Variants in ERCC5 observed in about 807,000 individuals in gnomAD.
The protein encoded by ERCC5 is ERCC excision repair 5, endonuclease.
In ERCC5, 68 loss-of-function variants were observed where a neutral mutation model predicts 105.6. The ratio of observed to expected loss-of-function variants is 0.64; its 90% CI spans 0.53 to 0.79. The LOEUF is 0.79. Ranked by LOEUF, ERCC5 falls within the 30% of genes least tolerant of loss-of-function variation. The pLI is 0.00. For synonymous variants in ERCC5, 546 were observed against 526.2 expected, an observed-to-expected ratio of 1.04 and a Z score of -0.51; for missense variants, 1,373 against 1,426.7, an observed-to-expected ratio of 0.96 and a Z score of 0.61.
At chr13:102,863,425 A>G (rs1882721206) in intron 8 of ERCC5, among the ~76,000 whole-genome samples, 1 of 152,198 alleles carries the variant, frequency 6.6e-6, no homozygotes, top group Admixed American at 6.5e-5. Context: ...AGAATATTAT[A>G]AAACACTGGT....
Position 102,863,060 on chromosome 13 carries a change from C to T in ERCC5, c.1911C>T (p.Ala637=), listed in dbSNP as rs569227686. ...AGGATTTAATTTCCATTCCAAAGGC[C>T]GTGGAACCAATGGAAATTGACTCGG... ...AGQDLISIPK[A]VEPMEIDSEE... The change falls in exon 8 of 15, where the codon GCC becomes GCT. Residue 637 remains alanine (A), a synonymous_variant. Coordinates refer to ENST00000652225, the MANE Select transcript of ERCC5 (RefSeq NM_000123.4). The T allele has an allele frequency of 6.3e-5, 101 of 1,614,088 alleles. No individual in the cohort carries two copies. The highest frequency in any genetic ancestry group is 1.3e-4 in the East Asian group (6 of 44,884).
chr13:102,861,477 A>G (rs1167336047), intron 6 of ERCC5, 30 bp from the exon 7 acceptor site: 5 of 1,609,362 alleles, frequency 3.1e-6, no homozygotes, highest in South Asian at 1.1e-5. Context: ...AATATAAAAC[A>G]GTAATTTTGT....
intron 4 of ERCC5, among the ~76,000 whole-genome samples, chr13:102,855,385 G>T (rs1882374193): frequency 6.6e-6 from 1 of 152,052 alleles, no homozygotes; most frequent in East Asian, 1.9e-4. Flanking sequence ...GAGTAGCTGG[G>T]ATTACAGGCA....
chr13:102,849,132 A>G (rs774230469), intron 1 of ERCC5: 17 of 518,844 alleles, frequency 3.3e-5, no homozygotes, highest in Admixed American at 1.7e-4. Flanking sequence ...TACTTGTAGC[A>G]AGCAGAAACA....
At chr13:102,869,434 G>A (rs1882958021) in intron 12 of ERCC5, among the ~76,000 whole-genome samples, 1 of 32,056 alleles carries the variant, frequency 3.1e-5, no homozygotes, top group Non-Finnish European at 5.7e-5. Flanking sequence ...TTTACAATTT[G>A]TTTATGTAAT....
chr13:102,868,331 G>A (rs577582945), intron 12 of ERCC5, 74 bp downstream of exon 12: 2 of 1,580,460 alleles, frequency 1.3e-6, no homozygotes, highest in East Asian at 2.2e-5. Context: ...ATTATTTACA[G>A]CATGAACTGT....
In ERCC5 at chr13:102,846,121, A is replaced by G. The variant is rs552781571; in HGVS notation, c.-146A>G. ...TCCCATTAGTGCCGTCCCCCACTGG[A>G]AAACCGTGGCTTCTGTATTATTTGC... On this transcript the variant is annotated 5_prime_UTR_variant, in exon 1 of 15. Transcript: ENST00000652225. The G allele has an allele frequency of 3.4e-4, 222 of 654,230 alleles. No homozygotes were observed. The highest frequency in any genetic ancestry group is 3.3e-3 in the South Asian group (180 of 54,640). The allele number at this position is 654,230 out of a possible 1,614,324, so 40.5% of individuals were successfully genotyped here. A position where few individuals can be genotyped will look rare whatever the true frequency, so the allele number is the denominator to read the frequency against.
chr13:102,850,160 A>G (rs567925866), intron 1 of ERCC5, among the ~76,000 whole-genome samples: 9 of 152,266 alleles, frequency 5.9e-5, no homozygotes, highest in African/African-American at 2.2e-4. Flanking sequence ...TCCTGACCTC[A>G]GGTGGTCTGC....
intron 1 of ERCC5, among the ~76,000 whole-genome samples, chr13:102,850,288 G>A (rs1161491386): frequency 6.6e-6 from 1 of 152,096 alleles, no homozygotes; most frequent in South Asian, 2.1e-4. Context: ...CTGAGGAGGG[G>A]ACCCCTGGAC....
At chr13:102,849,589 A>G in intron 1 of ERCC5, 1 of 366,808 alleles carries the variant, frequency 2.7e-6, no homozygotes, top group South Asian at 2.1e-5. Context: ...ATTTTTTTTT[A>G]TGTTAGTAAA....
chr13:102,868,890 G>A (rs1351948218), intron 12 of ERCC5, among the ~76,000 whole-genome samples: 1 of 152,120 alleles, frequency 6.6e-6, no homozygotes, highest in Non-Finnish European at 1.5e-5. Flanking sequence ...AGTATGTCTG[G>A]GAAAGTAGTT....
intron 1 of ERCC5, chr13:102,849,442 G>A (rs763742882): frequency 1.9e-6 from 1 of 518,872 alleles, no homozygotes; most frequent in South Asian, 1.4e-5. Context: ...GAATTGTTTG[G>A]TGTATATCCC....
intron 14 of ERCC5, 77 bp downstream of exon 14, chr13:102,873,420 C>T (rs982423918): frequency 1.3e-6 from 2 of 1,527,270 alleles, no homozygotes; most frequent in South Asian, 2.2e-5. Context: ...GACCAGTTAA[C>T]TCTTATTTTG....
At chr13:102,867,792 T>C (rs886352347) in intron 11 of ERCC5, among the ~76,000 whole-genome samples, 2 of 152,088 alleles carry the variant, frequency 1.3e-5, no homozygotes, top group African/African-American at 2.4e-5. Context: ...TATGATAAAT[T>C]GGGGATGCTC....
In ERCC5 at chr13:102,875,427, G is replaced by A. The variant is rs767783986; in HGVS notation, c.3085G>A (p.Ala1029Thr). 6 of 1,614,100 alleles carry A rather than the reference G, an allele frequency of 3.7e-6. No homozygotes were observed. The highest frequency in any genetic ancestry group is 4.2e-6 in the Non-Finnish European group (5 of 1,180,044). ...ATGTATGCTAAGGAAAGAGAAAGAAGCAGCAGCCAGCGAAATAGAAGCAGT... is the reference window on the plus strand; with the variant it reads ...ATGTATGCTAAGGAAAGAGAAAGAAACAGCAGCCAGCGAAATAGAAGCAGT... Reference protein sequence around the residue: ...VTCMLRKEKEAAASEIEAVSV... With the variant: ...VTCMLRKEKETAASEIEAVSV... Residue 1029 changes from alanine (A) to threonine (T), a missense_variant, in exon 15 of 15, where the codon GCA becomes ACA. Around this residue, in one of 3 missense-constraint regions of ERCC5, gnomAD observed 367 missense variants for 350.2 expected, o/e 1.05. Transcript: ENST00000652225.
chr13:102,861,436 G>T, intron 6 of ERCC5, 71 bp from the exon 7 acceptor site: 1 of 1,530,084 alleles, frequency 6.5e-7, no homozygotes, highest in East Asian at 2.4e-5. Flanking sequence ...GTTGGGGAAA[G>T]GGTGGAAATA....
chr13:102,854,089 G>A lies in ERCC5; in HGVS notation c.381-199G>A, dbSNP rs4150270. Among the ~76,000 whole-genome samples the A allele has an allele frequency of 0.023, 3,556 of 152,226 alleles. 150 individuals are homozygous for A. Among genetic ancestry groups the A allele is most frequent in the African/African-American group, 0.081 (3,374 of 41,520 alleles). ...ACTTTGCTAATGAGAAAAAAAAGCT[G>A]TCGTGTTGCGTCATGTACACTTTTT... On this transcript the variant is annotated intron_variant, in intron 3 of 14. Transcript: ENST00000652225.
rs1157704642 is a variant in ERCC5, at chr13:102,865,326, A to T, written c.1955-341A>T. ...AAAAACATACTGAGCAACTTCCATG[A>T]TTGTTTATATACTTTGATAATCCTC... On this transcript the variant is annotated intron_variant, in intron 8 of 14. Transcript: ENST00000652225. This position sits in a 1 kb window ranked among gnomAD's most constrained non-coding sequence, Gnocchi z 4.0. 2.9e-6 allele frequency: 1 copy of T among 342,308 alleles called. No homozygotes were observed. The highest frequency in any genetic ancestry group is 7.6e-5 in the East Asian group (1 of 13,234). 21.2% of individuals were successfully genotyped at this position (342,308 alleles called of 1,614,324 possible).
Position 102,852,189 on chromosome 13 carries a change from C to A in ERCC5, c.160C>A (p.His54Asn). The change falls in exon 2 of 15, where the codon CAT becomes AAT. Residue 54 changes from histidine to asparagine, a missense_variant. By Grantham distance (68) the His-to-Asn change is moderately conservative. Coordinates refer to ENST00000652225, the MANE Select transcript of ERCC5 (RefSeq NM_000123.4). ...CCATGGGAACTCAATAGAAAATCCTCATCTTCTCACTTTGTTTCATCGGCT... is the reference window on the plus strand; with the variant it reads ...CCATGGGAACTCAATAGAAAATCCTAATCTTCTCACTTTGTTTCATCGGCT... Reference protein sequence around the residue: ...DRHGNSIENPHLLTLFHRLCK... With the variant: ...DRHGNSIENPNLLTLFHRLCK... The A allele has an allele frequency of 6.2e-7, 1 of 1,614,080 alleles. No homozygotes were observed. The highest frequency in any genetic ancestry group is 8.5e-7 in the Non-Finnish European group (1 of 1,179,978).
Sources: allele counts gnomAD v4.1 joint callset (sites outside exome capture counted in the v4.1 genomes callset), GRCh38; gene constraint gnomAD v4.1.1; regional missense constraint gnomAD v4.1.1; non-coding constraint Gnocchi (gnomAD v3.1); transcripts MANE v1.5; gene names NCBI Gene and HGNC (gene_info 2026-07-23, HGNC 2026-07-21).